Variants in TMEM63A observed in about 807,000 individuals in gnomAD.
TMEM63A encodes mechanosensitive cation channel TMEM63A.
In TMEM63A, 76 loss-of-function variants were observed where a neutral mutation model predicts 100.6. That is an observed-to-expected ratio of 0.76 (90% CI 0.63 to 0.91). The LOEUF (loss-of-function observed/expected upper bound fraction) is 0.91. TMEM63A is among the 40% of genes least tolerant of loss of function. The pLI is 0.00. For synonymous variants in TMEM63A, 401 were observed against 401.1 expected, an observed-to-expected ratio of 1.00 and a Z score of 0.00; for missense variants, 876 against 1,008.8, an observed-to-expected ratio of 0.87 and a Z score of 1.78.
In TMEM63A at chr1:225,850,077, G is replaced by C. The variant is rs115530894; in HGVS notation, c.1906C>G (p.Leu636Val). 4,316 of 1,614,094 alleles carry C rather than the reference G, an allele frequency of 2.7e-3. 8 individuals are homozygous for C. Among genetic ancestry groups the C allele is most frequent in the Non-Finnish European group, 3.2e-3 (3,738 of 1,179,986 alleles). Residue 636 changes from leucine (L) to valine (V), a missense_variant and splice_region_variant, in exon 21 of 25, where the codon CTC becomes GTC. Coordinates refer to ENST00000366835, the MANE Select transcript of TMEM63A (RefSeq NM_014698.3). ...ATGTGCTTGAGCAGGATGTAGATGA[G>C]GCCTGCAGGGGATGGGGCTGTGAGC... ...ITCPIIAPFG[L>V]IYILLKHMVD...
At chr1:225,840,995 A>G (rs1036404587), downstream of TMEM63A, 5 of 152,238 alleles carry the variant, frequency 3.3e-5, no homozygotes, top group Non-Finnish European at 7.3e-5. Context: ...ACAATCTCAT[A>G]TAACCTCTTC....
chr1:225,866,422 C>T, intron 9 of TMEM63A, 152 bp downstream of exon 9: 1 of 639,498 alleles, frequency 1.6e-6, no homozygotes, highest in Non-Finnish European at 2.7e-6. Flanking sequence ...AAAGATGGTG[C>T]CAAGTGTGAG....
downstream of TMEM63A, among the ~76,000 whole-genome samples, chr1:225,844,000 G>A (rs1328282728): frequency 2.0e-5 from 3 of 152,154 alleles, no homozygotes; most frequent in Non-Finnish European, 4.4e-5. Context: ...GGTGGGGTGG[G>A]GGCTGTGGAG....
rs1344261991 is a variant in TMEM63A at position 225,853,347 on chromosome 1, T to G, written c.1797+282A>C. Reference sequence around the variant, plus strand: ...CAAATGGGTGCCTACAGAAAAAGAGTCTGTTGGTTTGAGTTGTATGTATGT... The same window carrying G: ...CAAATGGGTGCCTACAGAAAAAGAGGCTGTTGGTTTGAGTTGTATGTATGT... On this transcript the variant is annotated intron_variant, in intron 19 of 24. Transcript: ENST00000366835. The surrounding 1 kb of genome is among the most constrained non-coding windows in gnomAD (Gnocchi z 4.0). 6.6e-6 allele frequency among the ~76,000 whole-genome samples: 1 copy of G among 151,716 alleles called. No homozygotes were observed. The highest frequency in any genetic ancestry group is 1.5e-5 in the Non-Finnish European group (1 of 67,930).
In TMEM63A at chr1:225,856,905, A is replaced by C. The variant is rs777014606; in HGVS notation, c.1484+6T>G. 3.1e-6 allele frequency: 5 copies of C among 1,609,358 alleles called. No homozygotes were observed. On this transcript the variant is annotated splice_donor_region_variant and intron_variant, in intron 16 of 24. Coordinates refer to ENST00000366835, the MANE Select transcript of TMEM63A (RefSeq NM_014698.3). ...GGGCAGGGCCTCGGGGCTCCCGGGC[A>C]CTCACTTGGTCCAGTGAGACTCCAG...
At chr1:225,868,556 C>G (rs1389739372) in intron 6 of TMEM63A, among the ~76,000 whole-genome samples, 3 of 151,670 alleles carry the variant, frequency 2.0e-5, no homozygotes, top group Non-Finnish European at 4.4e-5. Flanking sequence ...TGTGGTGGCA[C>G]ATGCCTATAA....
At chr1:225,847,421 T>C (rs941599975) in intron 23 of TMEM63A, 9 of 567,972 alleles carry the variant, frequency 1.6e-5, no homozygotes, top group Non-Finnish European at 2.4e-5. Flanking sequence ...AGCACAGTTA[T>C]ACAGTTCTCA....
intron 4 of TMEM63A, 128 bp from the exon 5 acceptor site, chr1:225,872,181 G>A (rs1337166200): frequency 2.0e-5 from 13 of 647,998 alleles, no homozygotes; most frequent in South Asian, 3.8e-5. Flanking sequence ...ACCAGCCCTC[G>A]ATGGCTGGGA....
At chr1:225,857,826 A>G (rs572310875) in intron 15 of TMEM63A, among the ~76,000 whole-genome samples, 1 of 152,298 alleles carries the variant, frequency 6.6e-6, no homozygotes, top group Admixed American at 6.5e-5. Context: ...TCCATCTTCA[A>G]AAGAATAGGC....
chr1:225,852,092 A>C (rs967476977), intron 20 of TMEM63A, among the ~76,000 whole-genome samples: 2 of 152,276 alleles, frequency 1.3e-5, no homozygotes, highest in Non-Finnish European at 2.9e-5. Context: ...CTTGCTGCTA[A>C]AGAAATCAAC....
At chr1:225,866,824 T>C (rs1670238896) in intron 8 of TMEM63A, 142 bp from the exon 9 acceptor site, 3 of 772,014 alleles carry the variant, frequency 3.9e-6, no homozygotes, top group Non-Finnish European at 6.4e-6. Context: ...ACAGAGGTTG[T>C]GTGGCCAGCA....
downstream of TMEM63A, among the ~76,000 whole-genome samples, chr1:225,844,794 C>T (rs1457267843): frequency 6.6e-6 from 1 of 152,154 alleles, no homozygotes; most frequent in Non-Finnish European, 1.5e-5. Context: ...GGAGAAAGCC[C>T]TCATGGAGGG....
At chr1:225,844,243 G>A (rs996594031), downstream of TMEM63A, among the ~76,000 whole-genome samples, 2 of 151,974 alleles carry the variant, frequency 1.3e-5, no homozygotes, top group Non-Finnish European at 2.9e-5. Flanking sequence ...GGAGAGAGGG[G>A]ACAGGTGTGT....
At chr1:225,872,680 GCTTTTCTT>G (rs1670571153) in intron 4 of TMEM63A, among the ~76,000 whole-genome samples, 2 of 140,242 alleles carry the variant, frequency 1.4e-5, no homozygotes, top group Admixed American at 7.9e-5. Flanking sequence ...ATATGTGACT[GCTTTTCTT>G]CTTTTTTTTT....
chr1:225,856,591 GAC>G (rs1669627404), intron 17 of TMEM63A, 59 bp downstream of exon 17: 1 of 1,558,870 alleles, frequency 6.4e-7, no homozygotes, highest in South Asian at 1.1e-5. Flanking sequence ...TTCTCCTGGG[GAC>G]AGTGCTCTCC....
chr1:225,851,583 T>A (rs532136280), intron 20 of TMEM63A, among the ~76,000 whole-genome samples: 1 of 152,240 alleles, frequency 6.6e-6, no homozygotes, highest in African/African-American at 2.4e-5. Context: ...TTGGCCAGGT[T>A]GTTCTTGAAC....
intron 15 of TMEM63A, among the ~76,000 whole-genome samples, chr1:225,858,132 G>A (rs1007009506): frequency 1.3e-5 from 2 of 152,092 alleles, no homozygotes; most frequent in Non-Finnish European, 2.9e-5. Context: ...CTTTCCCAGG[G>A]AATGATTAAC....
downstream of TMEM63A, among the ~76,000 whole-genome samples, chr1:225,840,671 C>T (rs1438616798): frequency 2.6e-5 from 4 of 152,158 alleles, no homozygotes; most frequent in Admixed American, 6.5e-5. Flanking sequence ...AAGAGTCATT[C>T]GCATTACCCT....
Position 225,862,285 on chromosome 1 carries a change from G to T in TMEM63A, c.1018C>A (p.Arg340Ser). Residue 340 changes from arginine (R) to serine (S), a missense_variant, in exon 13 of 25, where the codon CGC (arginine) becomes AGC (serine). This residue lies in a region of TMEM63A where 487 missense variants were observed against 581.9 expected (regional missense o/e 0.84). Transcript: ENST00000366835. The surrounding 1 kb of genome is among the most constrained non-coding windows in gnomAD (Gnocchi z 5.1). Reference sequence around the variant, plus strand: ...CCCAGGGGCTGGTCCTGGACGTGGCGTTCTTCCTCTGTGATCCTCTCCAGC... The same window carrying T: ...CCCAGGGGCTGGTCCTGGACGTGGCTTTCTTCCTCTGTGATCCTCTCCAGC... ...RLLERITEEE[R>S]HVQDQPLGMA... 1 of 1,614,206 alleles carries T rather than the reference G, an allele frequency of 6.2e-7. No homozygotes were observed. Among genetic ancestry groups the T allele is most frequent in the Non-Finnish European group, 8.5e-7 (1 of 1,180,034 alleles).
Sources: allele counts gnomAD v4.1 joint callset (sites outside exome capture counted in the v4.1 genomes callset), GRCh38; gene constraint gnomAD v4.1.1; regional missense constraint gnomAD v4.1.1; non-coding constraint Gnocchi (gnomAD v3.1); transcripts MANE v1.5; gene names NCBI Gene and HGNC (gene_info 2026-07-23, HGNC 2026-07-21).